Variants in OTUD7A observed in about 807,000 individuals in gnomAD.
OTUD7A encodes OTU deubiquitinase 7A, also known as OTU domain-containing protein 7A.
Under a neutral mutation model 65.7 loss-of-function variants are expected in OTUD7A, and 12 were observed. The observed-to-expected ratio is 0.18, with a 90% CI of 0.12 to 0.30. The LOEUF (loss-of-function observed/expected upper bound fraction) is 0.30. Ranked by LOEUF, OTUD7A falls within the 10% of genes least tolerant of loss-of-function variation. OTUD7A has a pLI of 1.00. For missense variants in OTUD7A, 1,148 were observed against 1,304.8 expected (o/e 0.88, Z 1.85); for synonymous variants, 641 against 586.3 (o/e 1.09, Z -1.35).
chr15:31,567,257 C>T (rs1429851195), intron 4 of OTUD7A, among the ~76,000 whole-genome samples: 2 of 152,188 alleles, frequency 1.3e-5, no homozygotes, highest in African/African-American at 2.4e-5. Flanking sequence ...CAAATGGTCA[C>T]GTGTTTTGCC....
At chr15:31,584,363 G>C (rs1889464327) in intron 3 of OTUD7A, among the ~76,000 whole-genome samples, 1 of 152,192 alleles carries the variant, frequency 6.6e-6, no homozygotes, top group Non-Finnish European at 1.5e-5. Flanking sequence ...AGCTGGATGG[G>C]ATCCTGAGAA....
chr15:31,553,423 G>A (rs553797788), intron 5 of OTUD7A, among the ~76,000 whole-genome samples: 4 of 152,184 alleles, frequency 2.6e-5, no homozygotes, highest in African/African-American at 4.8e-5. Context: ...AGCTCACTCC[G>A]GGATCCCACG....
At chr15:31,558,863 C>T (rs1888586243) in intron 5 of OTUD7A, 106 bp downstream of exon 5, 1 of 1,265,484 alleles carries the variant, frequency 7.9e-7, no homozygotes, top group East Asian at 2.5e-5. Flanking sequence ...TGAAAACTGC[C>T]CAGAGTCTGA....
intron 1 of OTUD7A, among the ~76,000 whole-genome samples, chr15:31,804,440 C>T (rs868759172): frequency 3.3e-5 from 5 of 152,310 alleles, no homozygotes; most frequent in Non-Finnish European, 4.4e-5. Context: ...CTGGCTCCCT[C>T]CTCCTTTCTG....
At chr15:31,575,171 T>C (rs1017284526) in intron 3 of OTUD7A, among the ~76,000 whole-genome samples, 1 of 152,150 alleles carries the variant, frequency 6.6e-6, no homozygotes, top group African/African-American at 2.4e-5. Context: ...ACAGTAGGAA[T>C]GATAAAAATG....
intron 4 of OTUD7A, among the ~76,000 whole-genome samples, chr15:31,568,994 C>T (rs1888963335): frequency 6.6e-6 from 1 of 152,314 alleles, no homozygotes; most frequent in East Asian, 1.9e-4. Flanking sequence ...AAATAAATTA[C>T]CCAACCTTAG....
At chr15:31,791,216 G>A (rs949864102) in intron 1 of OTUD7A, among the ~76,000 whole-genome samples, 3 of 151,942 alleles carry the variant, frequency 2.0e-5, no homozygotes, top group Admixed American at 1.3e-4. Context: ...TAGTAGAGAC[G>A]GGGTTTCACC....
chr15:31,507,032 ATTTTGATGTATTG>A (rs894892531), intron 8 of OTUD7A, among the ~76,000 whole-genome samples: 1 of 152,172 alleles, frequency 6.6e-6, no homozygotes, highest in African/African-American at 2.4e-5. Flanking sequence ...AGGCATTTGT[ATTTTGATGTATTG>A]TTTTGATGGC....
At chr15:31,575,996 T>C (rs964387155) in intron 3 of OTUD7A, among the ~76,000 whole-genome samples, 2 of 151,930 alleles carry the variant, frequency 1.3e-5, no homozygotes, top group Non-Finnish European at 2.9e-5. Flanking sequence ...GAGGGATATA[T>C]TTAAAAGAAA....
chr15:31,682,298 T>A (rs1372409089), intron 1 of OTUD7A, among the ~76,000 whole-genome samples: 1 of 152,198 alleles, frequency 6.6e-6, no homozygotes, highest in African/African-American at 2.4e-5. Flanking sequence ...ATACCACAGT[T>A]AAGATGTCAA....
chr15:31,852,399 T>G (rs78290372), intron 1 of OTUD7A, among the ~76,000 whole-genome samples: 2 of 152,228 alleles, frequency 1.3e-5, no homozygotes, highest in African/African-American at 2.4e-5. Context: ...GTTTTGCAGA[T>G]GGAGAAACTA....
chr15:31,601,367 A>T (rs1210495004), intron 3 of OTUD7A, among the ~76,000 whole-genome samples: 1 of 152,216 alleles, frequency 6.6e-6, no homozygotes, highest in East Asian at 1.9e-4. Context: ...ACTCCTGGGT[A>T]AATAATGAAA....
chr15:31,834,796 T>C (rs1190267524), intron 1 of OTUD7A, among the ~76,000 whole-genome samples: 2 of 152,218 alleles, frequency 1.3e-5, no homozygotes, highest in African/African-American at 4.8e-5. Context: ...CTGCAGTGTA[T>C]GAACACTACT....
chr15:31,841,993 A>C (rs901521414), intron 1 of OTUD7A, among the ~76,000 whole-genome samples: 1 of 152,174 alleles, frequency 6.6e-6, no homozygotes, highest in African/African-American at 2.4e-5. Context: ...ACTGTTCATA[A>C]TAGCCCAAAC....
intron 1 of OTUD7A, among the ~76,000 whole-genome samples, chr15:31,773,120 TA>T (rs1382961420): frequency 6.6e-6 from 1 of 152,258 alleles, no homozygotes; most frequent in Non-Finnish European, 1.5e-5. Context: ...GAACGATTAT[TA>T]TTTAGCATGT....
chr15:31,674,564 C>A (rs34705090), intron 1 of OTUD7A, among the ~76,000 whole-genome samples: 3 of 152,160 alleles, frequency 2.0e-5, no homozygotes, highest in South Asian at 2.1e-4. Context: ...TCAGAAAAGA[C>A]AGACAAAATT....
intron 3 of OTUD7A, among the ~76,000 whole-genome samples, chr15:31,626,820 C>T (rs1462365130): frequency 6.6e-6 from 1 of 152,102 alleles, no homozygotes; most frequent in Non-Finnish European, 1.5e-5. Context: ...AAGTGATTCT[C>T]CTGCCTTGGC....
At chr15:31,614,987 A>G (rs767403850) in intron 3 of OTUD7A, among the ~76,000 whole-genome samples, 1 of 152,230 alleles carries the variant, frequency 6.6e-6, no homozygotes, top group Admixed American at 6.5e-5. Context: ...GTAACTACCA[A>G]AAGAATAGTA....
At chr15:31,670,994 CA>C (rs780415699) in intron 1 of OTUD7A, among the ~76,000 whole-genome samples, 569 of 138,082 alleles carry the variant, frequency 4.1e-3, no homozygotes, top group South Asian at 0.017. Flanking sequence ...GACTCCGTCT[CA>C]AAAAAAAAAA....
Sources: gnomAD v4.1 joint callset for allele counts (sites outside exome capture counted in the v4.1 genomes callset) on GRCh38, gnomAD v4.1.1 for gene constraint, MANE v1.5 for transcripts, NCBI Gene and HGNC (gene_info 2026-07-23, HGNC 2026-07-21) for gene names.